The following TAGLN3 variants were observed in gnomAD, a reference collection of about 807,000 sequenced individuals.
TAGLN3 encodes the protein transgelin-3.
TAGLN3 carries 12 observed loss-of-function variants against 25.4 expected under a neutral mutation model. The observed-to-expected ratio is 0.47, with a 90% CI of 0.30 to 0.77. TAGLN3 has a LOEUF of 0.77. Ranked by LOEUF, TAGLN3 falls within the 30% of genes least tolerant of loss-of-function variation. The pLI, the probability that TAGLN3 is intolerant of heterozygous loss-of-function variation, is 0.06. For synonymous variants in TAGLN3, 96 were observed against 94.8 expected (o/e 1.01, Z -0.08); for missense variants, 218 against 255.8 (o/e 0.85, Z 1.01).
intron 4 of TAGLN3, 127 bp downstream of exon 4, chr3:112,011,992 C>T: frequency 1.3e-6 from 1 of 770,812 alleles, no homozygotes; most frequent in Non-Finnish European, 2.0e-6. Context: ...GTCTCCACAA[C>T]TGAGTTCCCC....
Position 112,000,798 on chromosome 3 carries a change from A to T in TAGLN3, c.207A>T (p.Leu69Phe), listed in dbSNP as rs2072848160. The T allele has an allele frequency of 1.2e-6, 2 of 1,614,068 alleles. No individual in the cohort carries two copies. The highest frequency in any genetic ancestry group is 3.3e-5 in the Admixed American group (2 of 60,012). Reference protein sequence around the residue: ...GTVLCKLINSLYPPGQEPIPK... With the variant: ...GTVLCKLINSFYPPGQEPIPK... ...TCCTGTGCAAGCTGATAAATAGTTT[A>T]TACCCACCAGGACAAGAGCCCATAC... Residue 69 changes from leucine (L) to phenylalanine (F), a missense_variant, in exon 3 of 5, where the codon TTA becomes TTT. By Grantham distance (22) the Leu-to-Phe change is conservative. Coordinates refer to ENST00000478951, the MANE Select transcript of TAGLN3 (RefSeq NM_001008272.2).
Position 112,011,775 on chromosome 3 carries a change from C to T in TAGLN3, c.368C>T (p.Ala123Val), listed in dbSNP as rs1391136220. Residue 123 changes from alanine (A) to valine (V), a missense_variant, in exon 4 of 5, where the codon GCA (alanine) becomes GTA (valine). Transcript: ENST00000478951. ...TGTTGGCTTCCAGGGAAGGACATGGCAGCTGTGCAGAGGACCCTGATGGCT... is the reference window on the plus strand; with the variant it reads ...TGTTGGCTTCCAGGGAAGGACATGGTAGCTGTGCAGAGGACCCTGATGGCT... ...TVDLWEGKDM[A>V]AVQRTLMALG... The T allele has an allele frequency of 6.2e-7, 1 of 1,611,958 alleles. No individual in the cohort carries two copies. The highest frequency in any genetic ancestry group is 1.7e-5 in the Admixed American group (1 of 59,860).
chr3:111,999,724 G>T, intron 2 of TAGLN3, 122 bp downstream of exon 2: 1 of 1,288,428 alleles, frequency 7.8e-7, no homozygotes, highest in Non-Finnish European at 1.1e-6. Context: ...TCACCGGGAG[G>T]GGATGAGAAT....
rs959782617 is a variant in TAGLN3, at chr3:112,001,096, C to T, written c.355+150C>T. The T allele has an allele frequency of 1.5e-5, 10 of 685,262 alleles. No homozygotes were observed. The Admixed American group carries it at 1.7e-4, about 12-fold the overall frequency. 42.4% of individuals were successfully genotyped at this position (685,262 alleles called of 1,614,324 possible). On this transcript the variant is annotated intron_variant, in intron 3 of 4. Coordinates refer to ENST00000478951, the MANE Select transcript of TAGLN3 (RefSeq NM_001008272.2). ...ATCCTGGGGGCAGTGTTTGCCTTCC[C>T]CATTGTTATGTTCTATTAAAAGGAG...
In TAGLN3 at chr3:112,006,164, C is replaced by G. The variant is rs147124809; in HGVS notation, c.355+5218C>G. ...TCCTTTAGCAATGGCTCTCTAATGC[C>G]AGCATGCATCGGAATCACTAGGTAG... On this transcript the variant is annotated intron_variant, in intron 3 of 4. Transcript: ENST00000478951. Among the ~76,000 whole-genome samples, 92 of 152,228 alleles carry G rather than the reference C, an allele frequency of 6.0e-4. 1 individual carries two copies. In the East Asian group the frequency reaches 0.015, roughly 25 times the overall value.
chr3:112,005,960 T>C (rs931491383), intron 3 of TAGLN3, among the ~76,000 whole-genome samples: 10 of 151,848 alleles, frequency 6.6e-5, no homozygotes, highest in South Asian at 4.2e-4. Flanking sequence ...GAGGTTTCAC[T>C]GAGTTAGCCA....
Position 111,999,792 on chromosome 3 carries a change from T to A in TAGLN3, c.180+190T>A, listed in dbSNP as rs1014209050. On this transcript the variant is annotated intron_variant, in intron 2 of 4. Coordinates refer to ENST00000478951, the MANE Select transcript of TAGLN3 (RefSeq NM_001008272.2). ...CTCCATGCACTATTCCCTAGCTAGC[T>A]TGGGGGTTCTCCACTCACCCTAGCA... Among the ~76,000 whole-genome samples the A allele has an allele frequency of 2.0e-5, 3 of 152,326 alleles. No individual in the cohort carries two copies. In the East Asian group the frequency reaches 5.8e-4, roughly 29 times the overall value.
chr3:112,004,473 A>G (rs1559942515), intron 3 of TAGLN3, among the ~76,000 whole-genome samples: 2 of 152,058 alleles, frequency 1.3e-5, no homozygotes, highest in East Asian at 1.9e-4. Flanking sequence ...AAAGACTGCA[A>G]TACAAGCTTA....
At chr3:112,010,680 T>A (rs2072966093) in intron 3 of TAGLN3, among the ~76,000 whole-genome samples, 1 of 152,172 alleles carries the variant, frequency 6.6e-6, no homozygotes, top group Non-Finnish European at 1.5e-5. Context: ...ATCCTTGTAT[T>A]CACCAACCAG....
intron 3 of TAGLN3, among the ~76,000 whole-genome samples, chr3:112,005,695 TTTTTTTC>T (rs1440909100): frequency 0.14 from 5,547 of 39,136 alleles, 576 homozygotes; most frequent in African/African-American, 0.22. Flanking sequence ...CTAATTTTCT[TTTTTTTC>T]TTTTTTTTTT....
chr3:112,012,828 A>G (rs2072993849), intron 4 of TAGLN3, among the ~76,000 whole-genome samples: 2 of 152,086 alleles, frequency 1.3e-5, no homozygotes, highest in African/African-American at 4.8e-5. Context: ...ATTTCCCCTC[A>G]TTAACTCTTA....
At chr3:112,002,057 G>A (rs529817430) in intron 3 of TAGLN3, among the ~76,000 whole-genome samples, 1 of 152,278 alleles carries the variant, frequency 6.6e-6, no homozygotes, top group South Asian at 2.1e-4. Context: ...CTTGTGGTTT[G>A]CCATTATTTA....
Position 112,005,862 on chromosome 3 carries a change from G to A in TAGLN3, c.355+4916G>A, listed in dbSNP as rs567220237. ...CTTACAGGTACCTGCCACCACGCCC[G>A]GCTAATTTTTTTTTTATTTTTAGTA... On this transcript the variant is annotated intron_variant, in intron 3 of 4. Transcript: ENST00000478951. Among the ~76,000 whole-genome samples, 7 of 151,612 alleles carry A rather than the reference G, an allele frequency of 4.6e-5. No homozygotes were observed. The East Asian group carries it at 7.8e-4, about 17-fold the overall frequency.
chr3:112,004,414 G>C (rs1307051234), intron 3 of TAGLN3, among the ~76,000 whole-genome samples: 1 of 151,610 alleles, frequency 6.6e-6, no homozygotes, highest in African/African-American at 2.4e-5. Flanking sequence ...GTAAGAGAGA[G>C]AGAGAACATA....
At chr3:111,999,199 A>T in intron 1 of TAGLN3, 85 bp downstream of exon 1, 2 of 500,696 alleles carry the variant, frequency 4.0e-6, no homozygotes, top group Non-Finnish European at 7.1e-6. Flanking sequence ...CCGGAGGTTT[A>T]TTCTAGAGTT....
chr3:112,003,491 G>T (rs1344058419), intron 3 of TAGLN3, among the ~76,000 whole-genome samples: 3 of 152,182 alleles, frequency 2.0e-5, no homozygotes, highest in Non-Finnish European at 4.4e-5. Flanking sequence ...TCAAAGGAAT[G>T]CTGCGGGGCA....
intron 3 of TAGLN3, among the ~76,000 whole-genome samples, chr3:112,006,297 A>G (rs80242183): frequency 0.022 from 3,324 of 152,264 alleles, 69 homozygotes; most frequent in South Asian, 0.067. Flanking sequence ...GACCATATTG[A>G]TTCTGCTGGT....
chr3:112,005,933 T>G (rs1453348737), intron 3 of TAGLN3, among the ~76,000 whole-genome samples: 4 of 151,508 alleles, frequency 2.6e-5, no homozygotes, highest in Non-Finnish European at 4.4e-5. Context: ...AATTTTTTTT[T>G]TATTTTTAGT....
chr3:112,001,502 C>T (rs895305232), intron 3 of TAGLN3, among the ~76,000 whole-genome samples: 2 of 152,170 alleles, frequency 1.3e-5, no homozygotes, highest in African/African-American at 4.8e-5. Context: ...CTTACAAAAG[C>T]ATAAAAATCA....
Sources: gnomAD v4.1 joint callset for allele counts (sites outside exome capture counted in the v4.1 genomes callset) on GRCh38, gnomAD v4.1.1 for gene constraint, MANE v1.5 for transcripts, NCBI Gene and HGNC (gene_info 2026-07-23, HGNC 2026-07-21) for gene names.